The following MAP4 variants were observed in gnomAD, a reference collection of about 807,000 sequenced individuals.
MAP4 encodes microtubule associated protein 4.
MAP4 carries 76 observed loss-of-function variants against 170.2 expected under a neutral mutation model. That is an observed-to-expected ratio of 0.45 (90% CI 0.37 to 0.54). The LOEUF is 0.54. Among genes scored for constraint, MAP4 ranks in the 20% least tolerant of loss-of-function variants. The pLI is 0.00. For synonymous variants in MAP4, 909 were observed against 994.5 expected (o/e 0.91, Z 1.62); for missense variants, 2,506 against 2,748.0 (o/e 0.91, Z 1.97).
At chr3:47,928,937 A>T (rs2100047733) in intron 3 of MAP4, among the ~76,000 whole-genome samples, 1 of 152,232 alleles carries the variant, frequency 6.6e-6, no homozygotes, top group Non-Finnish European at 1.5e-5. Context: ...TATTGAAGAA[A>T]GTACAAAATA....
intron 1 of MAP4, among the ~76,000 whole-genome samples, chr3:48,082,010 T>C (rs2100146885): frequency 6.6e-6 from 1 of 152,022 alleles, no homozygotes; most frequent in South Asian, 2.1e-4. Flanking sequence ...GGTGCCAATG[T>C]TAGAATGGCC....
At chr3:47,930,006 T>C (rs2100048534) in intron 3 of MAP4, among the ~76,000 whole-genome samples, 1 of 152,172 alleles carries the variant, frequency 6.6e-6, no homozygotes, top group Non-Finnish European at 1.5e-5. Flanking sequence ...GGCCTGTGCC[T>C]GCAGTCCCAG....
At chr3:47,930,489 G>C (rs546655573) in intron 3 of MAP4, among the ~76,000 whole-genome samples, 1 of 148,292 alleles carries the variant, frequency 6.7e-6, no homozygotes, top group Non-Finnish European at 1.5e-5. Context: ...AAAAACAAAA[G>C]ACAACAACAA....
chr3:47,931,067 C>CA (rs2100049542), intron 3 of MAP4, among the ~76,000 whole-genome samples: 1 of 151,904 alleles, frequency 6.6e-6, no homozygotes, highest in Non-Finnish European at 1.5e-5. Flanking sequence ...ACTCCTACTA[C>CA]AAAACCACTA....
intron 3 of MAP4, among the ~76,000 whole-genome samples, chr3:47,955,435 TACACACACACACACACACACAC>T (rs3079351): frequency 1.5e-5 from 2 of 135,398 alleles, no homozygotes; most frequent in Admixed American, 7.5e-5. Context: ...AATAAGCACG[TACACACACACACACACACACAC>T]ACACACACAC....
At chr3:48,056,204 G>T (rs2100131361) in intron 1 of MAP4, among the ~76,000 whole-genome samples, 1 of 129,864 alleles carries the variant, frequency 7.7e-6, no homozygotes, top group Non-Finnish European at 1.7e-5. Flanking sequence ...TGCCGTCCGG[G>T]AGGGAGGTGG....
intron 4 of MAP4, among the ~76,000 whole-genome samples, chr3:47,927,663 C>T (rs1459473361): frequency 6.6e-6 from 1 of 152,116 alleles, no homozygotes; most frequent in African/African-American, 2.4e-5. Context: ...TTAGTAGAGA[C>T]AGCGTTTCTC....
Position 47,852,312 on chromosome 3 carries a change from G to A in MAP4, c.*622C>T, listed in dbSNP as rs1478398910. On this transcript the variant is annotated 3_prime_UTR_variant, in exon 21 of 21. Transcript: ENST00000683076. ...GCTAGGCGGGTATGTTAAGCATGGG[G>A]ACAGGCAGCACTGACCCCCAACTTG... The A allele has an allele frequency of 6.1e-6, 1 of 163,682 alleles. No homozygotes were observed. Among genetic ancestry groups the A allele is most frequent in the African/African-American group, 2.4e-5 (1 of 41,918 alleles). 10.1% of individuals were successfully genotyped at this position (163,682 alleles called of 1,614,324 possible).
At chr3:48,038,742 G>C (rs563466273) in intron 1 of MAP4, among the ~76,000 whole-genome samples, 1 of 152,276 alleles carries the variant, frequency 6.6e-6, no homozygotes, top group Non-Finnish European at 1.5e-5. Flanking sequence ...TTACAGGCGT[G>C]AGCCACTGTG....
intron 3 of MAP4, among the ~76,000 whole-genome samples, chr3:47,959,996 G>A (rs1176235545): frequency 6.6e-6 from 1 of 151,892 alleles, no homozygotes; most frequent in Non-Finnish European, 1.5e-5. Flanking sequence ...CCAAGTAACT[G>A]GGATTACAGG....
intron 1 of MAP4, among the ~76,000 whole-genome samples, chr3:48,052,955 A>G (rs1446552634): frequency 1.3e-5 from 2 of 151,730 alleles, no homozygotes; most frequent in Admixed American, 1.3e-4. Context: ...TTTCAACTCC[A>G]TGTTAAGTTG....
At chr3:47,861,215 G>A (rs1185168056) in intron 17 of MAP4, among the ~76,000 whole-genome samples, 2 of 152,124 alleles carry the variant, frequency 1.3e-5, no homozygotes, top group East Asian at 3.9e-4. Flanking sequence ...ACAAAAATTA[G>A]CTGGGTGTGG....
intron 10 of MAP4, among the ~76,000 whole-genome samples, chr3:47,879,561 AAC>A (rs1576971729): frequency 6.6e-6 from 1 of 152,300 alleles, no homozygotes; most frequent in East Asian, 1.9e-4. Context: ...AAAACCAAGA[AAC>A]AGAGACAACC....
chr3:47,983,618 C>A (rs953705841), intron 2 of MAP4, among the ~76,000 whole-genome samples: 5 of 152,110 alleles, frequency 3.3e-5, no homozygotes, highest in Admixed American at 2.6e-4. Context: ...TAACTCCTGA[C>A]CTCAGGTGAT....
chr3:47,987,389 G>A (rs1445214319), intron 2 of MAP4: 3 of 1,532,872 alleles, frequency 2.0e-6, no homozygotes, highest in South Asian at 2.4e-5. Flanking sequence ...TTACCAAGAG[G>A]AAGATGAAAA....
chr3:48,070,328 C>T (rs756805151), intron 1 of MAP4, among the ~76,000 whole-genome samples: 1 of 151,656 alleles, frequency 6.6e-6, no homozygotes, highest in Non-Finnish European at 1.5e-5. Flanking sequence ...CATGCCCAAC[C>T]ACGGTTTCTT....
At chr3:48,068,528 G>A (rs1169533337) in intron 1 of MAP4, among the ~76,000 whole-genome samples, 2 of 152,026 alleles carry the variant, frequency 1.3e-5, no homozygotes, top group South Asian at 2.1e-4. Flanking sequence ...GGTGGCTCAC[G>A]CCTGTAATCC....
At position 47,902,730 on chromosome 3, in the gene MAP4, G is replaced by A. The variant is rs1476477848; in HGVS notation, c.5434+220C>T. Among the ~76,000 whole-genome samples the A allele has an allele frequency of 3.3e-5, 5 of 151,292 alleles. 1 individual carries two copies. The highest frequency in any genetic ancestry group is 3.3e-4 in the Admixed American group (5 of 15,186). ...CCAGTTGAATCAGAGGGCAAGTGGG[G>A]TGAGAGTAATGAGGAAAGGAACTTC... On this transcript the variant is annotated intron_variant, in intron 10 of 20. Transcript: ENST00000683076.
intron 3 of MAP4, among the ~76,000 whole-genome samples, chr3:47,958,237 T>C (rs977727113): frequency 2.0e-5 from 3 of 152,084 alleles, no homozygotes; most frequent in Non-Finnish European, 2.9e-5. Flanking sequence ...TAAAGATTAA[T>C]GGAAAACTAC....
Sources: allele counts gnomAD v4.1 joint callset (sites outside exome capture counted in the v4.1 genomes callset), GRCh38; gene constraint gnomAD v4.1.1; transcripts MANE v1.5; gene names NCBI Gene and HGNC (gene_info 2026-07-23, HGNC 2026-07-21).